Variants in BCKDHB observed in about 807,000 individuals in gnomAD.
BCKDHB encodes the protein 2-oxoisovalerate dehydrogenase subunit beta, mitochondrial.
Under a neutral mutation model 48.5 loss-of-function variants are expected in BCKDHB, and 41 were observed. That is an observed-to-expected ratio of 0.85 (90% CI 0.66 to 1.10). BCKDHB has a LOEUF of 1.10. Ranked by LOEUF, BCKDHB falls within the 50% of genes least tolerant of loss-of-function variation. BCKDHB has a pLI of 0.00. For synonymous variants in BCKDHB, 201 were observed against 174.8 expected, an observed-to-expected ratio of 1.15 and a Z score of -1.18; for missense variants, 496 against 494.2, an observed-to-expected ratio of 1.00 and a Z score of -0.03.
intron 6 of BCKDHB, among the ~76,000 whole-genome samples, chr6:80,174,761 G>T (rs1335466099): frequency 6.6e-6 from 1 of 152,148 alleles, no homozygotes; most frequent in African/African-American, 2.4e-5. Flanking sequence ...GAGGATGGGA[G>T]ATAAAGTACA....
chr6:80,135,679 T>C (rs1770850519), intron 3 of BCKDHB, among the ~76,000 whole-genome samples: 1 of 152,164 alleles, frequency 6.6e-6, no homozygotes, highest in African/African-American at 2.4e-5. Flanking sequence ...TATGGTCAAA[T>C]ATATATAACA....
intron 1 of BCKDHB, among the ~76,000 whole-genome samples, chr6:80,119,297 CA>C (rs1393287496): frequency 3.3e-5 from 5 of 152,040 alleles, no homozygotes; most frequent in Admixed American, 1.3e-4. Context: ...CAATTTATTT[CA>C]AACTCCTATA....
At chr6:80,343,622 A>T in intron 9 of BCKDHB, 42 bp from the exon 10 acceptor site, 1 of 1,599,082 alleles carries the variant, frequency 6.3e-7, no homozygotes, top group Non-Finnish European at 8.6e-7. Context: ...TTCTGTGAGT[A>T]AAAAAAATTC....
At chr6:80,268,663 G>A (rs1446166434) in intron 8 of BCKDHB, among the ~76,000 whole-genome samples, 1 of 151,994 alleles carries the variant, frequency 6.6e-6, no homozygotes, top group African/African-American at 2.4e-5. Context: ...TTCAAATGTC[G>A]ATGTTGTACT....
intron 8 of BCKDHB, among the ~76,000 whole-genome samples, chr6:80,245,820 A>G (rs950615829): frequency 2.0e-5 from 3 of 152,180 alleles, no homozygotes; most frequent in African/African-American, 7.2e-5. Context: ...TCATGTCTGC[A>G]ATCCCAGCAC....
intron 8 of BCKDHB, among the ~76,000 whole-genome samples, chr6:80,271,747 AG>A (rs1376350601): frequency 3.3e-5 from 5 of 151,714 alleles, no homozygotes; most frequent in African/African-American, 4.8e-5. Context: ...TCTGATTCGG[AG>A]GTTGCAGTGA....
chr6:80,342,286 T>G (rs1251066690), intron 9 of BCKDHB, among the ~76,000 whole-genome samples: 1 of 152,124 alleles, frequency 6.6e-6, no homozygotes, highest in East Asian at 1.9e-4. Context: ...TTAAATCCTT[T>G]ATAAAGCAAG....
intron 8 of BCKDHB, among the ~76,000 whole-genome samples, chr6:80,261,046 C>T (rs73748764): frequency 0.016 from 2,469 of 152,226 alleles, 60 homozygotes; most frequent in African/African-American, 0.056. Flanking sequence ...TGGTTGTCCA[C>T]ACCACCTTCC....
At chr6:80,353,432 T>G in the BCKDHB span, among the ~76,000 whole-genome samples, 1 of 152,344 alleles carries the variant, frequency 6.6e-6, no homozygotes, top group African/African-American at 2.4e-5. Context: ...GATAGTTGTA[T>G]TTTTAATTCT....
the BCKDHB span, among the ~76,000 whole-genome samples, chr6:80,422,283 G>C: frequency 6.6e-6 from 1 of 152,234 alleles, no homozygotes; most frequent in Non-Finnish European, 1.5e-5. Flanking sequence ...CAGAAGACAA[G>C]AGTTGAGCTT....
chr6:80,424,521 A>G, the BCKDHB span, among the ~76,000 whole-genome samples: 1 of 152,156 alleles, frequency 6.6e-6, no homozygotes, highest in East Asian at 1.9e-4. Flanking sequence ...GGCTATTTGC[A>G]TCCAATTTTA....
At chr6:80,198,746 G>C (rs890379378) in intron 6 of BCKDHB, among the ~76,000 whole-genome samples, 1 of 152,118 alleles carries the variant, frequency 6.6e-6, no homozygotes, top group Non-Finnish European at 1.5e-5. Flanking sequence ...TTATATATGC[G>C]TACACTAACA....
intron 8 of BCKDHB, among the ~76,000 whole-genome samples, chr6:80,258,714 A>G (rs1445672782): frequency 6.6e-6 from 1 of 151,972 alleles, no homozygotes; most frequent in South Asian, 2.1e-4. Context: ...AGGTGTGTAC[A>G]TGTATTCCTT....
chr6:80,303,478 C>T (rs1054347224), intron 9 of BCKDHB, among the ~76,000 whole-genome samples: 22 of 152,026 alleles, frequency 1.4e-4, no homozygotes, highest in African/African-American at 5.3e-4. Context: ...TCTTCAAATG[C>T]CTGGGAACAT....
At chr6:80,312,285 A>G (rs1490076219) in intron 9 of BCKDHB, among the ~76,000 whole-genome samples, 2 of 152,204 alleles carry the variant, frequency 1.3e-5, no homozygotes, top group African/African-American at 4.8e-5. Flanking sequence ...CTGTATCCTG[A>G]GACTTTGATG....
chr6:80,282,332 T>C lies in BCKDHB; in HGVS notation c.1038+9111T>C, dbSNP rs572955561. On this transcript the variant is annotated intron_variant, in intron 9 of 9. Coordinates refer to ENST00000320393, the MANE Select transcript of BCKDHB (RefSeq NM_183050.4). ...TAGAATGTGAATGTATTAATAGAAATTGATTCACGTTTCCAGGATATCATA... is the reference window on the plus strand; with the variant it reads ...TAGAATGTGAATGTATTAATAGAAACTGATTCACGTTTCCAGGATATCATA... Among the ~76,000 whole-genome samples the C allele has an allele frequency of 3.9e-5, 6 of 152,282 alleles. No homozygotes were observed. In the East Asian group the frequency reaches 1.2e-3, roughly 29 times the overall value.
chr6:80,193,527 T>C, intron 6 of BCKDHB, among the ~76,000 whole-genome samples: 1 of 152,144 alleles, frequency 6.6e-6, no homozygotes, highest in East Asian at 1.9e-4. Context: ...AAGGCCAGCC[T>C]GGCCAACATG....
At chr6:80,234,295 A>G (rs770661502) in intron 8 of BCKDHB, among the ~76,000 whole-genome samples, 1 of 152,204 alleles carries the variant, frequency 6.6e-6, no homozygotes, top group Non-Finnish European at 1.5e-5. Flanking sequence ...AACCAAGAAA[A>G]TAGTTTTAAA....
intron 6 of BCKDHB, among the ~76,000 whole-genome samples, chr6:80,199,979 A>G (rs1774310739): frequency 7.0e-6 from 1 of 143,744 alleles, no homozygotes; most frequent in Non-Finnish European, 1.5e-5. Flanking sequence ...AGGCTGAGGC[A>G]GGAGAATCAC....
Sources: gnomAD v4.1 joint callset for allele counts (sites outside exome capture counted in the v4.1 genomes callset) on GRCh38, gnomAD v4.1.1 for gene constraint, MANE v1.5 for transcripts, NCBI Gene and HGNC (gene_info 2026-07-23, HGNC 2026-07-21) for gene names.